CHSY3: variants seen among roughly 807,000 people sequenced by gnomAD.
The protein encoded by CHSY3 is N-acetylgalactosaminyl-proteoglycan 3-beta-glucuronosyltransferase 3.
CHSY3 carries 35 observed loss-of-function variants against 67.2 expected under a neutral mutation model. That is an observed-to-expected ratio of 0.52 (90% CI 0.40 to 0.69). CHSY3 has a LOEUF of 0.69. CHSY3 is among the 30% of genes least tolerant of loss of function. The pLI, the probability that CHSY3 is intolerant of heterozygous loss-of-function variation, is 0.00. For missense variants in CHSY3, 1,069 were observed against 1,138.5 expected (o/e 0.94, Z 0.88); for synonymous variants, 474 against 434.7 (o/e 1.09, Z -1.12).
At chr5:129,940,685 G>T (rs1761669707) in intron 2 of CHSY3, among the ~76,000 whole-genome samples, 1 of 152,040 alleles carries the variant, frequency 6.6e-6, no homozygotes, top group East Asian at 1.9e-4. Context: ...GTGAGTGTGT[G>T]TGTGTATGCC....
At chr5:130,011,024 A>G (rs1764043076) in intron 2 of CHSY3, among the ~76,000 whole-genome samples, 1 of 152,206 alleles carries the variant, frequency 6.6e-6, no homozygotes, top group Non-Finnish European at 1.5e-5. Flanking sequence ...AGACAAATTC[A>G]CAGCCAAATT....
At chr5:129,916,507 T>G (rs1760734139) in intron 2 of CHSY3, among the ~76,000 whole-genome samples, 1 of 152,158 alleles carries the variant, frequency 6.6e-6, no homozygotes, top group African/African-American at 2.4e-5. Flanking sequence ...ATGTAAAAAT[T>G]AAAAAATGGA....
intron 1 of CHSY3, 184 bp downstream of exon 1, chr5:129,905,815 C>T: frequency 4.6e-6 from 6 of 1,293,854 alleles, no homozygotes; most frequent in Non-Finnish European, 6.1e-6. Flanking sequence ...CGTTCCTCGT[C>T]TTCTGCAATC....
intron 2 of CHSY3, among the ~76,000 whole-genome samples, chr5:130,106,542 T>G (rs1252818648): frequency 2.0e-5 from 3 of 151,570 alleles, no homozygotes; most frequent in Admixed American, 6.6e-5. Flanking sequence ...CATAAAGAAA[T>G]AAATATGTTT....
intron 2 of CHSY3, among the ~76,000 whole-genome samples, chr5:130,038,633 C>T (rs1474695375): frequency 6.6e-6 from 1 of 152,082 alleles, no homozygotes; most frequent in Non-Finnish European, 1.5e-5. Flanking sequence ...TTTCCACTTT[C>T]CTCTCCATAG....
intron 2 of CHSY3, among the ~76,000 whole-genome samples, chr5:130,161,724 C>T (rs949015115): frequency 6.6e-6 from 1 of 151,078 alleles, no homozygotes; most frequent in Non-Finnish European, 1.5e-5. Flanking sequence ...TGTTTGACTT[C>T]TTCACTTCAA....
intron 2 of CHSY3, among the ~76,000 whole-genome samples, chr5:130,029,643 C>T (rs894791903): frequency 4.6e-5 from 7 of 152,110 alleles, no homozygotes; most frequent in Non-Finnish European, 4.4e-5. Flanking sequence ...ACCTTCTGCT[C>T]CTTCCCAAAA....
chr5:129,974,665 G>A (rs1176539230), intron 2 of CHSY3, among the ~76,000 whole-genome samples: 1 of 152,134 alleles, frequency 6.6e-6, no homozygotes, highest in Non-Finnish European at 1.5e-5. Flanking sequence ...CAGAGAATGA[G>A]ATTCGGGAGC....
rs1418454976 is a variant in CHSY3 at position 129,904,613 on chromosome 5, C to A, written c.-217C>A. ...TTTCACTCCCGACCCTTGCTCGGAG[C>A]CCCGGCCCAGAGCTGAGCGGGAGCC... On this transcript the variant is annotated 5_prime_UTR_variant, in exon 1 of 3. Transcript: ENST00000305031. 4.2e-6 allele frequency: 3 copies of A among 714,754 alleles called. No homozygotes were observed. The highest frequency in any genetic ancestry group is 5.7e-6 in the Non-Finnish European group (3 of 528,078). The allele number at this position is 714,754 out of a possible 1,614,324, so 44.3% of individuals were successfully genotyped here.
At chr5:130,084,724 T>A (rs1766556317) in intron 2 of CHSY3, among the ~76,000 whole-genome samples, 1 of 151,886 alleles carries the variant, frequency 6.6e-6, no homozygotes, top group Non-Finnish European at 1.5e-5. Context: ...CTCTCTAAAA[T>A]ATATAAAACC....
intron 2 of CHSY3, among the ~76,000 whole-genome samples, chr5:130,084,392 G>C (rs986848162): frequency 2.0e-5 from 3 of 151,856 alleles, no homozygotes; most frequent in African/African-American, 7.2e-5. Context: ...ATTCCACAAT[G>C]TAGACATGTG....
At chr5:130,057,017 G>A (rs576522898) in intron 2 of CHSY3, among the ~76,000 whole-genome samples, 42 of 147,092 alleles carry the variant, frequency 2.9e-4, no homozygotes, top group African/African-American at 1.1e-3. Context: ...TCCTCCTCCC[G>A]GGTTCACGCC....
chr5:129,992,606 T>G (rs1763401435), intron 2 of CHSY3, among the ~76,000 whole-genome samples: 1 of 152,176 alleles, frequency 6.6e-6, no homozygotes, highest in African/African-American at 2.4e-5. Flanking sequence ...CCAGTAAAGC[T>G]GGAAAACAAT....
rs1011170776 is a variant in CHSY3 at position 130,176,777 on chromosome 5, T to A, written c.1087-7452T>A. Among the ~76,000 whole-genome samples, 18 of 152,008 alleles carry A rather than the reference T, an allele frequency of 1.2e-4. 1 individual carries two copies. The highest frequency in any genetic ancestry group is 4.3e-4 in the African/African-American group (18 of 41,396). On this transcript the variant is annotated intron_variant, in intron 2 of 2. Coordinates refer to ENST00000305031, the MANE Select transcript of CHSY3 (RefSeq NM_175856.5). ...AAACATTGCATGTTCTCACTAATAG[T>A]GGGAGTTGAACAATGAGAACACATG... is the stretch of plus-strand genomic sequence containing the variant.
chr5:130,101,389 G>GT (rs1334843626), intron 2 of CHSY3, among the ~76,000 whole-genome samples: 2 of 151,904 alleles, frequency 1.3e-5, no homozygotes, highest in African/African-American at 2.4e-5. Context: ...CAAAGCACAA[G>GT]TTTTTTCTAA....
intron 2 of CHSY3, among the ~76,000 whole-genome samples, chr5:130,146,940 C>A (rs1769091840): frequency 1.3e-5 from 2 of 152,190 alleles, no homozygotes; most frequent in South Asian, 4.1e-4. Context: ...ATTACAGGTG[C>A]CTGCCACCAT....
At chr5:129,908,011 T>TA in intron 1 of CHSY3, 66 bp from the exon 2 acceptor site, 4 of 1,551,072 alleles carry the variant, frequency 2.6e-6, no homozygotes, top group Non-Finnish European at 3.5e-6. Flanking sequence ...TTCTGTCCCT[T>TA]ACCTTGTACA....
At chr5:129,968,748 G>A (rs1762538415) in intron 2 of CHSY3, among the ~76,000 whole-genome samples, 1 of 151,938 alleles carries the variant, frequency 6.6e-6, no homozygotes, top group Admixed American at 6.6e-5. Flanking sequence ...CAGCAAACAG[G>A]CCAATGTGTG....
At chr5:130,027,387 T>C (rs1350665590) in intron 2 of CHSY3, among the ~76,000 whole-genome samples, 1 of 152,070 alleles carries the variant, frequency 6.6e-6, no homozygotes, top group Non-Finnish European at 1.5e-5. Context: ...AAAAGAAATA[T>C]GATAATAGGC....
Sources: gnomAD v4.1 joint callset for allele counts (sites outside exome capture counted in the v4.1 genomes callset) on GRCh38, gnomAD v4.1.1 for gene constraint, MANE v1.5 for transcripts, NCBI Gene and HGNC (gene_info 2026-07-23, HGNC 2026-07-21) for gene names.